DIS3L: variants seen among roughly 807,000 people sequenced by gnomAD.
DIS3L encodes DIS3 like exosome 3'-5' exoribonuclease, also known as DIS3-like exonuclease 1.
In DIS3L, 100 loss-of-function variants were observed where a neutral mutation model predicts 120.3. The ratio of observed to expected loss-of-function variants is 0.83; its 90% CI spans 0.71 to 0.98. The LOEUF is 0.98. DIS3L is among the 50% of genes least tolerant of loss of function. The probability of loss-of-function intolerance (pLI) is 0.00; values close to 1 mark genes in which losing one functional copy is unlikely to be tolerated. For missense variants in DIS3L, 1,196 were observed against 1,314.2 expected (o/e 0.91, Z 1.39); for synonymous variants, 426 against 470.6 (o/e 0.91, Z 1.23).
intron 14 of DIS3L, chr15:66,330,578 T>C: frequency 1.0e-6 from 1 of 978,770 alleles, no homozygotes; most frequent in Non-Finnish European, 1.2e-6. Context: ...TAAATTTAAT[T>C]AAAATTAGAA....
rs977930119 is a variant in DIS3L at position 66,315,301 on chromosome 15, C to T, written c.994+86C>T. ...TCTTTAGCAATCCAGAAATACTGCC[C>T]TTATTTTATTTATTTATTTTATTTA... is the stretch of plus-strand genomic sequence containing the variant. On this transcript the variant is annotated intron_variant, in intron 7 of 16. Coordinates refer to ENST00000319212, the MANE Select transcript of DIS3L (RefSeq NM_001143688.3). The T allele has an allele frequency of 2.1e-5, 26 of 1,236,540 alleles. No homozygotes were observed. In the African/African-American group the frequency reaches 3.3e-4, roughly 16 times the overall value. 76.6% of individuals were successfully genotyped at this position (1,236,540 alleles called of 1,614,324 possible).
upstream of DIS3L, chr15:66,293,457 G>A (rs544398957): frequency 1.6e-6 from 2 of 1,218,920 alleles, no homozygotes; most frequent in African/African-American, 3.2e-5. Context: ...AGCCTGGAGC[G>A]TGTAGCTCCG....
At chr15:66,297,253 A>G (rs892400039) in intron 2 of DIS3L, among the ~76,000 whole-genome samples, 1 of 152,182 alleles carries the variant, frequency 6.6e-6, no homozygotes, top group Non-Finnish European at 1.5e-5. Flanking sequence ...AGCCTTCCTA[A>G]GTGTTAAGTG....
chr15:66,304,489 T>C (rs1377503284), intron 2 of DIS3L, among the ~76,000 whole-genome samples: 1 of 152,062 alleles, frequency 6.6e-6, no homozygotes, highest in Non-Finnish European at 1.5e-5. Flanking sequence ...GGAAAATTAC[T>C]GATATAATAT....
chr15:66,306,249 T>C (rs1595724950), intron 2 of DIS3L, among the ~76,000 whole-genome samples: 1 of 152,216 alleles, frequency 6.6e-6, no homozygotes, highest in Non-Finnish European at 1.5e-5. Flanking sequence ...GATCTCTTGA[T>C]GGACAAAACC....
At chr15:66,314,185 CA>C in intron 6 of DIS3L, 68 bp downstream of exon 6, 1 of 1,280,302 alleles carries the variant, frequency 7.8e-7, no homozygotes, top group East Asian at 2.9e-5. Context: ...ATGAAGAAAG[CA>C]AAGTTGAAAT....
intron 7 of DIS3L, 121 bp from the exon 8 acceptor site, chr15:66,318,328 G>T: frequency 2.7e-6 from 3 of 1,110,858 alleles, no homozygotes; most frequent in Non-Finnish European, 3.8e-6. Flanking sequence ...TTGGGTGGAT[G>T]TGCTTGAAAA....
chr15:66,332,058 T>C (rs759762595), intron 15 of DIS3L, 38 bp downstream of exon 15: 61 of 1,567,034 alleles, frequency 3.9e-5, no homozygotes, highest in Non-Finnish European at 5.1e-5. Context: ...TAAGAAATCA[T>C]AGTTAAAAGT....
intron 12 of DIS3L, among the ~76,000 whole-genome samples, chr15:66,326,726 C>T (rs921860973): frequency 3.2e-4 from 49 of 151,988 alleles, no homozygotes; most frequent in Admixed American, 2.8e-3. Flanking sequence ...ACTACAGGCA[C>T]ACGCCACCAT....
At position 66,333,450 on chromosome 15, in the gene DIS3L, G is replaced by C. The variant is rs1441841907; in HGVS notation, c.*138G>C. 2 of 983,730 alleles carry C rather than the reference G, an allele frequency of 2.0e-6. No homozygotes were observed. The highest frequency in any genetic ancestry group is 3.3e-5 in the African/African-American group (2 of 60,734). The allele number at this position is 983,730 out of a possible 1,614,324, so 60.9% of individuals were successfully genotyped here. On this transcript the variant is annotated 3_prime_UTR_variant, in exon 17 of 17. Coordinates refer to ENST00000319212, the MANE Select transcript of DIS3L (RefSeq NM_001143688.3). ...TTCGCATATATGTAAAATGTTCTCA[G>C]CCGGGCACGGTGGCTCACGCCTGTA...
intron 14 of DIS3L, 39 bp downstream of exon 14, chr15:66,329,438 T>A (rs1001389606): frequency 1.3e-6 from 2 of 1,572,992 alleles, no homozygotes; most frequent in Non-Finnish European, 1.7e-6. Flanking sequence ...CTGTCATCTC[T>A]TGCTAAGAAA....
intron 2 of DIS3L, among the ~76,000 whole-genome samples, chr15:66,296,898 A>G (rs1254546761): frequency 1.3e-5 from 2 of 152,240 alleles, no homozygotes; most frequent in Non-Finnish European, 2.9e-5. Context: ...GACAGTTATT[A>G]TGAAGCGCCT....
rs190611149 is a variant in DIS3L, at chr15:66,330,229, G to A, written c.2535+830G>A. The A allele has an allele frequency of 2.7e-4, 255 of 952,606 alleles. 1 individual carries two copies. The African/African-American group carries it at 3.6e-3, about 13-fold the overall frequency. The allele number at this position is 952,606 out of a possible 1,614,324, so 59.0% of individuals were successfully genotyped here. A position where few individuals can be genotyped will look rare whatever the true frequency, so the allele number is the denominator to read the frequency against. ...GGAGAATGGTGTGAACCCGGGAGGC[G>A]GAGCTTGCAGTGAGCTGAGATTGCA... On this transcript the variant is annotated intron_variant, in intron 14 of 16. Coordinates refer to ENST00000319212, the MANE Select transcript of DIS3L (RefSeq NM_001143688.3).
chr15:66,318,350 C>A, intron 7 of DIS3L, 99 bp from the exon 8 acceptor site: 1 of 1,342,814 alleles, frequency 7.4e-7, no homozygotes, highest in Non-Finnish European at 1.0e-6. Context: ...AAATAGGACA[C>A]TGTATTTCTT....
In DIS3L at chr15:66,326,196, A is replaced by C. The variant is rs754678092; in HGVS notation, c.2033A>C (p.His678Pro). Residue 678 changes from histidine to proline, a missense_variant, in exon 12 of 17, where the codon CAC (histidine) becomes CCC (proline). Transcript: ENST00000319212. ...ATCCCCAAGCAGCCCCTGGAAGTCC[A>C]CGAGACAGTGGCTGAATGCATGATC... ...DLIPKQPLEV[H>P]ETVAECMILA... 6.2e-7 allele frequency: 1 copy of C among 1,614,258 alleles called. No individual in the cohort carries two copies. Among genetic ancestry groups the C allele is most frequent in the Non-Finnish European group, 8.5e-7 (1 of 1,180,036 alleles).
In DIS3L at chr15:66,329,319, A is replaced by G; in HGVS notation, c.2455A>G (p.Lys819Glu). The G allele has an allele frequency of 6.2e-7, 1 of 1,614,126 alleles. No individual in the cohort carries two copies. Among genetic ancestry groups the G allele is most frequent in the Non-Finnish European group, 8.5e-7 (1 of 1,180,002 alleles). The part of the protein sequence containing the change: ...RLLMAAISKD[K>E]KMEIKGNLFS... ...GTTAATGGCAGCCATTTCAAAAGAT[A>G]AGAAAATGGAAATTAAGGGAAATCT... Residue 819 changes from lysine to glutamate, a missense_variant, in exon 14 of 17, where the codon AAG becomes GAG. By Grantham distance (56) the Lys-to-Glu change is moderately conservative. Transcript: ENST00000319212.
chr15:66,297,253 A>C (rs892400039), intron 2 of DIS3L, among the ~76,000 whole-genome samples: 1 of 152,182 alleles, frequency 6.6e-6, no homozygotes, highest in Non-Finnish European at 1.5e-5. Flanking sequence ...AGCCTTCCTA[A>C]GTGTTAAGTG....
At chr15:66,332,508 G>GTATACACACATATATA (rs1566964055) in intron 15 of DIS3L, among the ~76,000 whole-genome samples, 5 of 82,886 alleles carry the variant, frequency 6.0e-5, no homozygotes, top group Admixed American at 1.5e-4. Context: ...GTGTGTGTGT[G>GTATACACACATATATA]TGTGTGTATA....
At chr15:66,317,344 GGAAAAAAAA>G (rs758512347) in intron 7 of DIS3L, among the ~76,000 whole-genome samples, 24 of 79,074 alleles carry the variant, frequency 3.0e-4, no homozygotes, top group African/African-American at 8.5e-4. Context: ...AATATTTGTG[GGAAAAAAAA>G]AAAAAAAAAG....
Sources: gnomAD v4.1 joint callset for allele counts (sites outside exome capture counted in the v4.1 genomes callset) on GRCh38, gnomAD v4.1.1 for gene constraint, MANE v1.5 for transcripts, NCBI Gene and HGNC (gene_info 2026-07-23, HGNC 2026-07-21) for gene names.